Variants in DDX60 observed in about 807,000 individuals in gnomAD.
DDX60 encodes probable ATP-dependent RNA helicase DDX60.
In DDX60, 165 loss-of-function variants were observed where a neutral mutation model predicts 212.8. The ratio of observed to expected loss-of-function variants is 0.78; its 90% confidence interval spans 0.68 to 0.88. The LOEUF (loss-of-function observed/expected upper bound fraction) is 0.88. Among genes scored for constraint, DDX60 ranks in the 40% least tolerant of loss-of-function variants. The probability of loss-of-function intolerance (pLI) is 0.00; values close to 1 mark genes in which losing one functional copy is unlikely to be tolerated. For synonymous variants in DDX60, 703 were observed against 685.3 expected (o/e 1.03, Z -0.40); for missense variants, 1,905 against 2,003.9 (o/e 0.95, Z 0.94).
rs1734653554 is a variant in DDX60, at chr4:168,262,259, A to G, written c.3145-131T>C. 3 of 890,918 alleles carry G rather than the reference A, an allele frequency of 3.4e-6. 1 individual carries two copies. The highest frequency in any genetic ancestry group is 3.9e-5 in the South Asian group (2 of 51,690). The allele number at this position is 890,918 out of a possible 1,614,324, so 55.2% of individuals were successfully genotyped here. ...AGATGGTTAAACTTTTTATCTCCAC[A>G]TGGCTTCTAATGCATAACGTTACTA... On this transcript the variant is annotated intron_variant, in intron 23 of 37. Coordinates refer to ENST00000393743, the MANE Select transcript of DDX60 (RefSeq NM_017631.6).
intron 5 of DDX60, among the ~76,000 whole-genome samples, chr4:168,303,411 G>T (rs114286952): frequency 0.013 from 1,982 of 152,142 alleles, 22 homozygotes; most frequent in Middle Eastern, 0.034. Context: ...ATTAATAACA[G>T]TACTTCCTTC....
intron 15 of DDX60, 52 bp from the exon 16 acceptor site, chr4:168,275,555 T>G: frequency 1.4e-6 from 2 of 1,451,862 alleles, no homozygotes; most frequent in South Asian, 2.8e-5. Flanking sequence ...TAGAATATCA[T>G]TTAAATAAGT....
chr4:168,252,431 T>C, intron 27 of DDX60, 78 bp downstream of exon 27: 1 of 1,516,850 alleles, frequency 6.6e-7, no homozygotes, highest in Non-Finnish European at 9.1e-7. Context: ...ATATATCTTA[T>C]TAAGCATTAT....
intron 36 of DDX60, 46 bp from the exon 37 acceptor site, chr4:168,220,763 G>C: frequency 9.9e-7 from 1 of 1,010,496 alleles, no homozygotes; most frequent in South Asian, 2.5e-5. Context: ...AAACATTAAA[G>C]AACATCCTAT....
Position 168,291,905 on chromosome 4 carries a change from A to T in DDX60, c.884T>A (p.Val295Glu). 1 of 1,603,472 alleles carries T rather than the reference A, an allele frequency of 6.2e-7. No individual in the cohort carries two copies. The change falls in exon 8 of 38, where the codon GTG (valine) becomes GAG (glutamate). Residue 295 changes from valine (V) to glutamate (E), a missense_variant and splice_region_variant. Coordinates refer to ENST00000393743, the MANE Select transcript of DDX60 (RefSeq NM_017631.6). ...CTGCAGGGTTAAGCAATTACTGTTC[A>T]CCTGAATAAAATAAAGAAGGTATAA... ...SSGQETEIQQVNSNCLTLQEM... is the reference protein window; with the variant it reads ...SSGQETEIQQENSNCLTLQEM...
rs766959438 is a variant in DDX60 at position 168,217,044 on chromosome 4, GA to G, written c.5040-13del. 1.2e-5 allele frequency: 19 copies of G among 1,569,550 alleles called. No homozygotes were observed. The highest frequency in any genetic ancestry group is 1.7e-4 in the Middle Eastern group (1 of 5,952). The stretch of plus-strand genomic sequence containing the variant: ...CACGCAAGGAAACACTGGAAATGGG[GA>G]AAAAAATATAGGATCCACTTTAGTG... On this transcript the variant is annotated splice_polypyrimidine_tract_variant and intron_variant, in intron 37 of 37. Transcript: ENST00000393743.
At position 168,217,460 on chromosome 4, in the gene DDX60, G is replaced by A. The variant is rs577599550; in HGVS notation, c.5040-428C>T. On this transcript the variant is annotated intron_variant, in intron 37 of 37. Coordinates refer to ENST00000393743, the MANE Select transcript of DDX60 (RefSeq NM_017631.6). ...AAAATATTGCTTTCTTTACCTAGAT[G>A]TGTAAAAAGATAAGGACAACAAGAT... is the stretch of plus-strand genomic sequence containing the variant. Among the ~76,000 whole-genome samples, 6 of 152,288 alleles carry A rather than the reference G, an allele frequency of 3.9e-5. 1 individual carries two copies. The South Asian group carries it at 1.2e-3, about 32-fold the overall frequency.
intron 30 of DDX60, 127 bp from the exon 31 acceptor site, chr4:168,237,922 T>C (rs1024606434): frequency 3.1e-6 from 2 of 648,126 alleles, no homozygotes; most frequent in Non-Finnish European, 4.7e-6. Context: ...CAGAAAAAAT[T>C]TGATTTCATA....
rs139611948 is a variant in DDX60, at chr4:168,302,964, A to C, written c.607-548T>G. ...CATAACTTCTTTAAGGTGAATATTCAACAAATTAGGAAATAGATTTTAACA... is the reference window on the plus strand; with the variant it reads ...CATAACTTCTTTAAGGTGAATATTCCACAAATTAGGAAATAGATTTTAACA... On this transcript the variant is annotated intron_variant, in intron 5 of 37. Coordinates refer to ENST00000393743, the MANE Select transcript of DDX60 (RefSeq NM_017631.6). Among the ~76,000 whole-genome samples the C allele has an allele frequency of 4.0e-4, 61 of 152,254 alleles. No individual in the cohort carries two copies. In the East Asian group the frequency reaches 0.011, roughly 28 times the overall value.
chr4:168,268,468 G>T (rs993883710), intron 20 of DDX60, among the ~76,000 whole-genome samples: 21 of 152,064 alleles, frequency 1.4e-4, no homozygotes, highest in Non-Finnish European at 2.5e-4. Flanking sequence ...ATAAGAATTT[G>T]CTATCTTTCT....
chr4:168,305,812 T>G (rs971422016), intron 5 of DDX60, among the ~76,000 whole-genome samples: 2 of 152,042 alleles, frequency 1.3e-5, no homozygotes, highest in Non-Finnish European at 2.9e-5. Context: ...TACTTAATAA[T>G]AAGAAATAAG....
chr4:168,270,875 C>CTTTTTTTTTTT (rs759054592), intron 19 of DDX60, among the ~76,000 whole-genome samples: 4 of 110,862 alleles, frequency 3.6e-5, no homozygotes, highest in African/African-American at 3.7e-5. Flanking sequence ...TTCTTTCTTT[C>CTTTTTTTTTTT]TTTTTTTTTT....
Position 168,318,535 on chromosome 4 carries a change from C to T in DDX60, c.-107+87G>A, listed in dbSNP as rs1737508844. ...GAGCCCAGCACTCCTGGGCCACCTC[C>T]CTGTCCGGTCCGTTGAAGAAGACCT... is the stretch of plus-strand genomic sequence containing the variant. On this transcript the variant is annotated intron_variant, in intron 1 of 37. Transcript: ENST00000393743. 3 of 152,392 alleles carry T rather than the reference C, an allele frequency of 2.0e-5. No individual in the cohort carries two copies. The South Asian group carries it at 6.2e-4, about 32-fold the overall frequency. 9.4% of individuals were successfully genotyped at this position (152,392 alleles called of 1,614,324 possible). A position where few individuals can be genotyped will look rare whatever the true frequency, so the allele number is the denominator to read the frequency against.
Position 168,286,457 on chromosome 4 carries a change from T to TAGATAGATAGATAC in DDX60, c.1339+590_1339+591insGTATCTATCTATCT, listed in dbSNP as rs759142577. On this transcript the variant is annotated intron_variant, in intron 10 of 37. Transcript: ENST00000393743. The stretch of plus-strand genomic sequence containing the variant: ...AGATAGATAGATAGATAGATAGATA[T>TAGATAGATAGATAC]TACATATCAAGTATATTATGATAAT... Among the ~76,000 whole-genome samples, 1,307 of 134,060 alleles carry TAGATAGATAGATAC rather than the reference T, an allele frequency of 9.7e-3. 35 individuals carry two copies. The highest frequency in any genetic ancestry group is 0.076 in the East Asian group (379 of 4,958). 87.9% of individuals were successfully genotyped at this position (134,060 alleles called of 152,430 possible). A position where few individuals can be genotyped will look rare whatever the true frequency, so the allele number is the denominator to read the frequency against.
intron 22 of DDX60, 37 bp downstream of exon 22, chr4:168,267,545 T>C (rs1400115219): frequency 9.4e-6 from 10 of 1,064,978 alleles, no homozygotes; most frequent in African/African-American, 1.6e-5. Context: ...AAATATTTTA[T>C]ATTACTTAGA....
intron 5 of DDX60, 129 bp from the exon 6 acceptor site, chr4:168,302,545 T>G (rs1397386389): frequency 2.2e-6 from 1 of 445,588 alleles, no homozygotes; most frequent in Admixed American, 4.3e-5. Flanking sequence ...AATATGCCAA[T>G]GTAATTGTAA....
intron 30 of DDX60, among the ~76,000 whole-genome samples, chr4:168,239,375 A>AAGACAGATAGAT (rs146760063): frequency 6.7e-6 from 1 of 148,770 alleles, no homozygotes; most frequent in Non-Finnish European, 1.5e-5. Flanking sequence ...TGATAGAAGG[A>AAGACAGATAGAT]AGATAGATAG....
chr4:168,275,243 C>T, intron 16 of DDX60, 102 bp downstream of exon 16: 1 of 1,069,206 alleles, frequency 9.4e-7, no homozygotes, highest in East Asian at 2.6e-5. Flanking sequence ...CTTTAAATGA[C>T]ATGAACATCA....
chr4:168,307,942 A>G, intron 4 of DDX60, 64 bp downstream of exon 4: 1 of 967,608 alleles, frequency 1.0e-6, no homozygotes, highest in South Asian at 2.7e-5. Context: ...ATATATATAT[A>G]ATAATTTAGG....
Sources: allele counts gnomAD v4.1 joint callset (sites outside exome capture counted in the v4.1 genomes callset), GRCh38; gene constraint gnomAD v4.1.1; transcripts MANE v1.5; gene names NCBI Gene and HGNC (gene_info 2026-07-23, HGNC 2026-07-21).